Variants in ADCY1 observed in about 807,000 individuals in gnomAD.
ADCY1 encodes adenylate cyclase 1, also known as adenylate cyclase type 1.
ADCY1 carries 28 observed loss-of-function variants against 105.4 expected under a neutral mutation model. The ratio of observed to expected loss-of-function variants is 0.27; its 90% CI spans 0.20 to 0.36. The LOEUF (loss-of-function observed/expected upper bound fraction) is 0.36. ADCY1 is among the 10% of genes least tolerant of loss of function. The pLI, the probability that ADCY1 is intolerant of heterozygous loss-of-function variation, is 1.00. For missense variants in ADCY1, 977 were observed against 1,434.2 expected, an observed-to-expected ratio of 0.68 and a Z score of 5.15; for synonymous variants, 655 against 623.8, an observed-to-expected ratio of 1.05 and a Z score of -0.75.
At chr7:45,641,646 G>T (rs1794526349) in intron 4 of ADCY1, among the ~76,000 whole-genome samples, 1 of 151,976 alleles carries the variant, frequency 6.6e-6, no homozygotes, top group Non-Finnish European at 1.5e-5. Flanking sequence ...TGTCTTTTCG[G>T]CCGGGCGCGG....
At chr7:45,673,387 T>A (rs956470471) in intron 8 of ADCY1, among the ~76,000 whole-genome samples, 1 of 152,184 alleles carries the variant, frequency 6.6e-6, no homozygotes. Context: ...CTAGAATTTG[T>A]CAGTGAAACC....
chr7:45,610,881 A>T (rs201613352), intron 3 of ADCY1, among the ~76,000 whole-genome samples: 1 of 13,532 alleles, frequency 7.4e-5, no homozygotes, highest in Non-Finnish European at 1.5e-4. Flanking sequence ...TGGAGGTGGG[A>T]AGGTGATGGT....
intron 2 of ADCY1, among the ~76,000 whole-genome samples, chr7:45,596,258 C>A: frequency 6.6e-6 from 1 of 152,212 alleles, no homozygotes; most frequent in Admixed American, 6.5e-5. Context: ...CCATTCAGCA[C>A]CTGTTCCCAG....
At chr7:45,574,357 G>A (rs1792246237), upstream of ADCY1, among the ~76,000 whole-genome samples, 2 of 145,446 alleles carry the variant, frequency 1.4e-5, no homozygotes, top group South Asian at 4.2e-4. The surrounding 1 kb of genome is among the most constrained non-coding windows in gnomAD (Gnocchi z 7.0). Flanking sequence ...CAGGCGCGGC[G>A]GGCGGGAGGG....
intron 5 of ADCY1, among the ~76,000 whole-genome samples, chr7:45,654,308 C>T (rs912588208): frequency 2.0e-5 from 3 of 152,200 alleles, no homozygotes; most frequent in South Asian, 4.1e-4. Context: ...CACATGACCA[C>T]CAAGTATGCA....
In ADCY1 at chr7:45,710,464, G is replaced by A; in HGVS notation, c.2933-64G>A. 1 of 1,574,226 alleles carries A rather than the reference G, an allele frequency of 6.4e-7. No homozygotes were observed. The highest frequency in any genetic ancestry group is 1.2e-5 in the South Asian group (1 of 84,708). ...AGGAGCAGCATCAGGTGCATTTGGTGGCCCTGGTGGGGTGAGTTACACTTT... is the reference window on the plus strand; with the variant it reads ...AGGAGCAGCATCAGGTGCATTTGGTAGCCCTGGTGGGGTGAGTTACACTTT... On this transcript the variant is annotated intron_variant, in intron 18 of 19. Coordinates refer to ENST00000297323, the MANE Select transcript of ADCY1 (RefSeq NM_021116.4). This position sits in a 1 kb window ranked among gnomAD's most constrained non-coding sequence, Gnocchi z 4.7.
intron 4 of ADCY1, among the ~76,000 whole-genome samples, chr7:45,630,187 A>G (rs993212289): frequency 1.3e-5 from 2 of 152,206 alleles, no homozygotes; most frequent in African/African-American, 2.4e-5. Context: ...TCCATCAAAT[A>G]TATGATCCCT....
intron 4 of ADCY1, among the ~76,000 whole-genome samples, chr7:45,635,592 AT>A (rs1171550788): frequency 6.0e-4 from 32 of 53,584 alleles, no homozygotes; most frequent in African/African-American, 2.2e-3. Flanking sequence ...ATACTTTCTA[AT>A]TTCTCTTGTT....
chr7:45,678,012 A>G lies in ADCY1; in HGVS notation c.1749A>G (p.Ala583=), dbSNP rs760827696. 1.2e-6 allele frequency: 2 copies of G among 1,614,094 alleles called. No individual in the cohort carries two copies. Among genetic ancestry groups the G allele is most frequent in the African/African-American group, 2.7e-5 (2 of 74,932 alleles). Residue 583 remains alanine (A), a synonymous_variant, in exon 9 of 20, where the codon GCA becomes GCG. Coordinates refer to ENST00000297323, the MANE Select transcript of ADCY1 (RefSeq NM_021116.4). ...CCCGCCAGACAGAGCTGGAGATGGC[A>G]GACCTGAACTTCTTTACCCTGAAGT... ...LEARQTELEM[A]DLNFFTLKYK...
chr7:45,638,235 T>A (rs1287649172), intron 4 of ADCY1, among the ~76,000 whole-genome samples: 1 of 152,252 alleles, frequency 6.6e-6, no homozygotes, highest in African/African-American at 2.4e-5. Context: ...ATTAGGGAGT[T>A]CCACTCTTGA....
At chr7:45,706,183 G>A (rs1013619260) in intron 17 of ADCY1, among the ~76,000 whole-genome samples, 13 of 152,178 alleles carry the variant, frequency 8.5e-5, no homozygotes, top group Admixed American at 2.0e-4. Flanking sequence ...ATTCTGTGTC[G>A]TTGACAAAAT....
At chr7:45,593,391 A>G (rs915840331) in intron 2 of ADCY1, among the ~76,000 whole-genome samples, 4 of 152,168 alleles carry the variant, frequency 2.6e-5, no homozygotes, top group Admixed American at 1.3e-4. Context: ...GTCATGATAC[A>G]GCACCCACAG....
At chr7:45,661,028 A>G (rs1795086111) in intron 7 of ADCY1, among the ~76,000 whole-genome samples, 1 of 150,982 alleles carries the variant, frequency 6.6e-6, no homozygotes, top group Non-Finnish European at 1.5e-5. Flanking sequence ...TGAGGGGTTC[A>G]GGCTCAGGGG....
intron 5 of ADCY1, among the ~76,000 whole-genome samples, chr7:45,652,308 T>C (rs1794831535): frequency 6.6e-6 from 1 of 152,156 alleles, no homozygotes; most frequent in Admixed American, 6.5e-5. Context: ...GTTTGGCTGG[T>C]TGGAAGATTC....
Position 45,606,016 on chromosome 7 carries a change from T to C in ADCY1, c.790-4363T>C, listed in dbSNP as rs192333846. ...GGGTTGCTGTCTCTTTACTGCCAGG[T>C]GGGGTTAGAAGTTTAGGCTCCACAC... On this transcript the variant is annotated intron_variant, in intron 2 of 19. Transcript: ENST00000297323. Among the ~76,000 whole-genome samples the C allele has an allele frequency of 1.7e-3, 266 of 152,254 alleles. 1 individual carries two copies. The highest frequency in any genetic ancestry group is 0.017 in the Middle Eastern group (5 of 294).
intron 8 of ADCY1, chr7:45,664,458 A>G (rs771020103): frequency 2.0e-5 from 31 of 1,525,036 alleles, no homozygotes; most frequent in Non-Finnish European, 2.7e-5. Context: ...CAGGGCATTC[A>G]CGCCAGCTCT....
intron 17 of ADCY1, among the ~76,000 whole-genome samples, chr7:45,705,318 C>T (rs1048695935): frequency 1.3e-5 from 2 of 152,000 alleles, no homozygotes; most frequent in Non-Finnish European, 2.9e-5. Flanking sequence ...ATGTATAAAC[C>T]CCCAACAAAT....
chr7:45,668,887 A>G (rs1370897663), intron 8 of ADCY1, among the ~76,000 whole-genome samples: 1 of 152,082 alleles, frequency 6.6e-6, no homozygotes, highest in African/African-American at 2.4e-5. Context: ...GAATTTATCC[A>G]TTTCTTCTAG....
At chr7:45,695,632 A>G (rs1022408200) in intron 14 of ADCY1, among the ~76,000 whole-genome samples, 33 of 152,186 alleles carry the variant, frequency 2.2e-4, no homozygotes, top group Admixed American at 2.2e-3. Flanking sequence ...GTTTCTCTGA[A>G]AGGTTAGATC....
Sources: gnomAD v4.1 joint callset for allele counts (sites outside exome capture counted in the v4.1 genomes callset) on GRCh38, gnomAD v4.1.1 for gene constraint, Gnocchi (gnomAD v3.1) non-coding constraint, MANE v1.5 for transcripts, NCBI Gene and HGNC (gene_info 2026-07-23, HGNC 2026-07-21) for gene names.